MLLT1: variants seen among roughly 807,000 people sequenced by gnomAD.
MLLT1 encodes protein ENL.
Under a neutral mutation model 55.1 loss-of-function variants are expected in MLLT1, and 11 were observed. The observed-to-expected ratio is 0.20, with a 90% CI of 0.13 to 0.33. The LOEUF is 0.33. Among genes scored for constraint, MLLT1 ranks in the 10% least tolerant of loss-of-function variants. The probability of loss-of-function intolerance (pLI) is 1.00; values close to 1 mark genes in which losing one functional copy is unlikely to be tolerated. For missense variants in MLLT1, 536 were observed against 760.6 expected (o/e 0.70, Z 3.47); for synonymous variants, 323 against 320.1 (o/e 1.01, Z -0.10).
chr19:6,259,725 T>C (rs1334047504), intron 3 of MLLT1: 1 of 145,110 alleles, frequency 6.9e-6, no homozygotes, highest in Non-Finnish European at 1.5e-5. Flanking sequence ...CACAGGCTCA[T>C]GGCAGAACTC....
At position 6,216,499 on chromosome 19, in the gene MLLT1, T is replaced by C; in HGVS notation, c.1213A>G (p.Met405Val). The change falls in exon 8 of 12, where the codon ATG becomes GTG. Residue 405 changes from methionine to valine, a missense_variant. Met to Val is a conservative substitution (Grantham distance 21, BLOSUM62 1). This residue lies in a region of MLLT1 where 449 missense variants were observed against 489.0 expected (regional missense o/e 0.92). Coordinates refer to ENST00000252674, the MANE Select transcript of MLLT1 (RefSeq NM_005934.4). ...TCCTCGGACTGCAGGTCCTCCACCA[T>C]GGAGCGCAGGGGTCCTGGGGAGGCG... Reference protein sequence around the residue: ...QNHSQGPLRSMVEDLQSEESD... With the variant: ...QNHSQGPLRSVVEDLQSEESD... 6.3e-7 allele frequency: 1 copy of C among 1,583,994 alleles called. No individual in the cohort carries two copies. The highest frequency in any genetic ancestry group is 2.3e-5 in the East Asian group (1 of 43,452).
rs1363446650 is a variant in MLLT1, at chr19:6,262,183, G to A, written c.276+45C>T. 4.0e-6 allele frequency: 6 copies of A among 1,511,962 alleles called. No individual in the cohort carries two copies. In the East Asian group the frequency reaches 1.4e-4, roughly 34 times the overall value. The allele number at this position is 1,511,962 out of a possible 1,614,324, so 93.7% of individuals were successfully genotyped here. A position where few individuals can be genotyped will look rare whatever the true frequency, so the allele number is the denominator to read the frequency against. On this transcript the variant is annotated intron_variant, in intron 3 of 11. Coordinates refer to ENST00000252674, the MANE Select transcript of MLLT1 (RefSeq NM_005934.4). This position sits in a 1 kb window ranked among gnomAD's most constrained non-coding sequence, Gnocchi z 4.4. ...AACTGCCGTGGCACCCGGAGCAGGGGTCCCCACAGAGAGGCATCCTGCTTG... is the reference window on the plus strand; with the variant it reads ...AACTGCCGTGGCACCCGGAGCAGGGATCCCCACAGAGAGGCATCCTGCTTG...
At chr19:6,241,604 G>A (rs1168251826) in intron 3 of MLLT1, among the ~76,000 whole-genome samples, 1 of 152,216 alleles carries the variant, frequency 6.6e-6, no homozygotes, top group Non-Finnish European at 1.5e-5. Context: ...GGAGGTCCTG[G>A]GGTGGCCGTG....
chr19:6,213,196 A>G (rs780389890), intron 11 of MLLT1, 26 bp from the exon 12 acceptor site: 4 of 1,613,298 alleles, frequency 2.5e-6, no homozygotes, highest in East Asian at 4.5e-5. Context: ...AGGTGGCTTC[A>G]GGGGCAGGGG....
At position 6,213,982 on chromosome 19, in the gene MLLT1, C is replaced by T. The variant is rs374247122; in HGVS notation, c.1364G>A (p.Arg455His). ...DNSADSSLPS[R>H]EPPPPQKPPP... ...TGGCTTCTGGGGGGGTGGGGGCTCA[C>T]GGCTGGGCAGGGAGGAGTCGGCGCT... The change falls in exon 9 of 12, where the codon CGT (arginine) becomes CAT (histidine). Residue 455 changes from arginine (R) to histidine (H), a missense_variant. By Grantham distance (29) the Arg-to-His change is conservative. Around this residue, in one of 3 missense-constraint regions of MLLT1, gnomAD observed 449 missense variants for 489.0 expected, o/e 0.92. Transcript: ENST00000252674. 1.2e-5 allele frequency: 17 copies of T among 1,458,672 alleles called. No individual in the cohort carries two copies. Among genetic ancestry groups the T allele is most frequent in the African/African-American group, 1.0e-4 (7 of 70,130 alleles). 90.4% of individuals were successfully genotyped at this position (1,458,672 alleles called of 1,614,324 possible). A position where few individuals can be genotyped will look rare whatever the true frequency, so the allele number is the denominator to read the frequency against.
In MLLT1 at chr19:6,219,348, G is replaced by T. The variant is rs1296614825; in HGVS notation, c.1111-1307C>A. On this transcript the variant is annotated intron_variant, in intron 6 of 11. Coordinates refer to ENST00000252674, the MANE Select transcript of MLLT1 (RefSeq NM_005934.4). This position sits in a 1 kb window ranked among gnomAD's most constrained non-coding sequence, Gnocchi z 4.5. ...GGAAAGCCTGCCGTGGTGCCCATCA[G>T]TCACTGCCCACTCAGGCTACCTGAG... Among the ~76,000 whole-genome samples the T allele has an allele frequency of 6.6e-6, 1 of 152,180 alleles. No individual in the cohort carries two copies. The highest frequency in any genetic ancestry group is 1.5e-5 in the Non-Finnish European group (1 of 68,040).
rs182391578 is a variant in MLLT1 at position 6,220,611 on chromosome 19, G to A, written c.1110+1510C>T. ...GGGGGCCAGGCCGGGTGAGCAGAGCGGAGTGGAGCGGGCCGTGGAGCTGCC... is the reference window on the plus strand; with the variant it reads ...GGGGGCCAGGCCGGGTGAGCAGAGCAGAGTGGAGCGGGCCGTGGAGCTGCC... On this transcript the variant is annotated intron_variant, in intron 6 of 11. Transcript: ENST00000252674. 3.8e-4 allele frequency among the ~76,000 whole-genome samples: 58 copies of A among 152,368 alleles called. No homozygotes were observed. In the South Asian group the frequency reaches 6.4e-3, roughly 17 times the overall value.
Position 6,214,004 on chromosome 19 carries a change from C to T in MLLT1, c.1342G>A (p.Ala448Thr), listed in dbSNP as rs747549429. The change falls in exon 9 of 12, where the codon GCC (alanine) becomes ACC (threonine). Residue 448 changes from alanine to threonine, a missense_variant. By Grantham distance (58) the Ala-to-Thr change is moderately conservative (BLOSUM62 0). Coordinates refer to ENST00000252674, the MANE Select transcript of MLLT1 (RefSeq NM_005934.4). ...SFSDSESDNS[A>T]DSSLPSREPP... ...TCACGGCTGGGCAGGGAGGAGTCGG[C>T]GCTGTTGTCACTCTCGCTGTCGCTG... The T allele has an allele frequency of 1.4e-5, 20 of 1,452,642 alleles. No individual in the cohort carries two copies. The highest frequency in any genetic ancestry group is 6.2e-5 in the South Asian group (4 of 64,554). 90.0% of individuals were successfully genotyped at this position (1,452,642 alleles called of 1,614,324 possible).
chr19:6,230,759 G>A lies in MLLT1; in HGVS notation c.277-46C>T. On this transcript the variant is annotated intron_variant, in intron 3 of 11. Transcript: ENST00000252674. The surrounding 1 kb of genome is among the most constrained non-coding windows in gnomAD (Gnocchi z 9.0). ...AAGTCTGCATCAGAGGGTGGCCGTG[G>A]TGCAGGGACACAGCTCCCCATTGGC... 6.2e-7 allele frequency: 1 copy of A among 1,608,184 alleles called. No individual in the cohort carries two copies. Among genetic ancestry groups the A allele is most frequent in the South Asian group, 1.1e-5 (1 of 90,748 alleles).
intron 3 of MLLT1, among the ~76,000 whole-genome samples, chr19:6,258,429 C>T (rs1381144861): frequency 6.6e-6 from 1 of 152,204 alleles, no homozygotes; most frequent in Non-Finnish European, 1.5e-5. Flanking sequence ...CTGCCCAACA[C>T]GCATGTTCCC....
At position 6,211,794 on chromosome 19, in the gene MLLT1, A is replaced by G. The variant is rs1368471664; in HGVS notation, c.*1248T>C. 22 of 1,062,960 alleles carry G rather than the reference A, an allele frequency of 2.1e-5. No homozygotes were observed. The highest frequency in any genetic ancestry group is 2.5e-5 in the Non-Finnish European group (22 of 877,840). 65.8% of individuals were successfully genotyped at this position (1,062,960 alleles called of 1,614,324 possible). ...TCCGCGGGAGCGTCCTGGCCCTGGA[A>G]GAGTGGGCCGGGAAGGAGGACCGGC... On this transcript the variant is annotated 3_prime_UTR_variant, in exon 12 of 12. Coordinates refer to ENST00000252674, the MANE Select transcript of MLLT1 (RefSeq NM_005934.4). This position sits in a 1 kb window ranked among gnomAD's most constrained non-coding sequence, Gnocchi z 4.6.
chr19:6,268,418 AAG>A (rs1411296339), intron 2 of MLLT1, among the ~76,000 whole-genome samples: 2 of 152,234 alleles, frequency 1.3e-5, no homozygotes. Flanking sequence ...AGCTGGTATT[AAG>A]AGGAGTCCAG....
chr19:6,237,401 G>A (rs1369965852), intron 3 of MLLT1, among the ~76,000 whole-genome samples: 1 of 152,136 alleles, frequency 6.6e-6, no homozygotes, highest in Non-Finnish European at 1.5e-5. Flanking sequence ...CGCCAAGCTT[G>A]TCCAGCGGCT....
chr19:6,223,066 G>A (rs1176616470), intron 5 of MLLT1, among the ~76,000 whole-genome samples: 2 of 152,134 alleles, frequency 1.3e-5, no homozygotes, highest in Non-Finnish European at 2.9e-5. Context: ...CTGGCACTGC[G>A]GGGTGCTGGC....
intron 8 of MLLT1, among the ~76,000 whole-genome samples, chr19:6,215,177 G>A (rs2090827356): frequency 6.6e-6 from 1 of 152,264 alleles, no homozygotes. Context: ...GGCAACGCAG[G>A]GACAAGGCCG....
intron 3 of MLLT1, chr19:6,259,643 G>A (rs2091285877): frequency 6.6e-6 from 1 of 152,164 alleles, no homozygotes; most frequent in Non-Finnish European, 1.5e-5. Context: ...AGGGTTCCCA[G>A]GCAATCGGGC....
At chr19:6,233,209 C>T (rs371819689) in intron 3 of MLLT1, among the ~76,000 whole-genome samples, 9 of 152,334 alleles carry the variant, frequency 5.9e-5, no homozygotes, top group African/African-American at 1.2e-4. Flanking sequence ...CCGCAAGCTC[C>T]GGGGACAGGC....
chr19:6,256,795 C>T lies in MLLT1; in HGVS notation c.276+5433G>A, dbSNP rs1319893909. 2.6e-5 allele frequency among the ~76,000 whole-genome samples: 4 copies of T among 152,126 alleles called. No homozygotes were observed. Among genetic ancestry groups the T allele is most frequent in the Non-Finnish European group, 5.9e-5 (4 of 67,998 alleles). ...AAATAAAAATAACCTTCCTATACAA[C>T]TACAGTCATCAAAACAGTATGGCCA... On this transcript the variant is annotated intron_variant, in intron 3 of 11. Transcript: ENST00000252674. The surrounding 1 kb of genome is among the most constrained non-coding windows in gnomAD (Gnocchi z 4.1).
chr19:6,275,029 C>T (rs1002916875), intron 1 of MLLT1, among the ~76,000 whole-genome samples: 5 of 152,248 alleles, frequency 3.3e-5, no homozygotes, highest in Admixed American at 2.0e-4. Flanking sequence ...CTACAGCGGC[C>T]GCCGCCTGGC....
Sources: allele counts gnomAD v4.1 joint callset (sites outside exome capture counted in the v4.1 genomes callset), GRCh38; gene constraint gnomAD v4.1.1; regional missense constraint gnomAD v4.1.1; non-coding constraint Gnocchi (gnomAD v3.1); transcripts MANE v1.5; gene names NCBI Gene and HGNC (gene_info 2026-07-23, HGNC 2026-07-21).